The following DLG2 variants were observed in gnomAD, a reference collection of about 807,000 sequenced individuals.
DLG2 encodes the protein disks large homolog 2.
Under a neutral mutation model 132.5 loss-of-function variants are expected in DLG2, and 45 were observed. That is an observed-to-expected ratio of 0.34 (90% CI 0.27 to 0.44). The LOEUF (loss-of-function observed/expected upper bound fraction) is 0.44, where lower values mean the gene tolerates loss of function less well. DLG2 is among the 20% of genes least tolerant of loss of function. The pLI is 1.00. For missense variants in DLG2, 1,045 were observed against 1,196.9 expected (o/e 0.87, Z 1.87); for synonymous variants, 424 against 419.6 (o/e 1.01, Z -0.13).
chr11:84,956,698 C>A lies in DLG2; in HGVS notation c.357+154963G>T, dbSNP rs573730497. Among the ~76,000 whole-genome samples, 12 of 152,252 alleles carry A rather than the reference C, an allele frequency of 7.9e-5. No individual in the cohort carries two copies. The South Asian group carries it at 2.5e-3, about 32-fold the overall frequency. On this transcript the variant is annotated intron_variant, in intron 6 of 27. Transcript: ENST00000376104. ...GGAAGAAATGTAACTCAGAGAATCA[C>A]AAAACCTCAGCCTAAAAGTTAAATT...
chr11:84,800,288 A>G (rs1359685129), intron 6 of DLG2, among the ~76,000 whole-genome samples: 2 of 152,188 alleles, frequency 1.3e-5, no homozygotes, highest in Non-Finnish European at 2.9e-5. Context: ...GTGTTTGTAT[A>G]TCATTTTAGT....
chr11:83,962,970 C>G lies in DLG2; in HGVS notation c.1255G>C (p.Glu419Gln), dbSNP rs1429581953. 6.2e-7 allele frequency: 1 copy of G among 1,613,120 alleles called. No homozygotes were observed. Among genetic ancestry groups the G allele is most frequent in the East Asian group, 2.2e-5 (1 of 44,860 alleles). Reference sequence around the variant, plus strand: ...ATGGGTGGCAGGGAGGTTTTATATTCTAAAGTGCCATTGTTGCCAGAGAGT... The same window carrying G: ...ATGGGTGGCAGGGAGGTTTTATATTGTAAAGTGCCATTGTTGCCAGAGAGT... ...HLLSGNNGTLEYKTSLPPISP... is the reference protein window; with the variant it reads ...HLLSGNNGTLQYKTSLPPISP... Residue 419 changes from glutamate (E) to glutamine (Q), a missense_variant, in exon 14 of 28, where the codon GAA (glutamate) becomes CAA (glutamine). By Grantham distance (29) the Glu-to-Gln change is conservative. This residue lies in a region of DLG2 where 261 missense variants were observed against 256.1 expected (regional missense o/e 1.02). Coordinates refer to ENST00000376104, the MANE Select transcript of DLG2 (RefSeq NM_001142699.3).
intron 17 of DLG2, among the ~76,000 whole-genome samples, chr11:83,807,885 A>G (rs2046320231): frequency 6.6e-6 from 1 of 152,088 alleles, no homozygotes. Context: ...TGTGGTGCAC[A>G]CACTGTGTCC....
intron 14 of DLG2, among the ~76,000 whole-genome samples, chr11:83,951,455 C>T (rs1251024926): frequency 3.9e-5 from 6 of 151,984 alleles, no homozygotes; most frequent in Admixed American, 1.3e-4. Flanking sequence ...GAACACAGGA[C>T]GAAAGGGTGA....
At chr11:84,458,401 C>T (rs948164051) in intron 7 of DLG2, among the ~76,000 whole-genome samples, 3 of 150,910 alleles carry the variant, frequency 2.0e-5, no homozygotes, top group Non-Finnish European at 3.0e-5. Flanking sequence ...AAGTGATCAT[C>T]GTCCTCCAGT....
chr11:85,179,068 A>G (rs1158709857), intron 4 of DLG2, among the ~76,000 whole-genome samples: 1 of 151,970 alleles, frequency 6.6e-6, no homozygotes, highest in Non-Finnish European at 1.5e-5. Context: ...ACACAAGAGT[A>G]AAACTGAAAA....
chr11:84,973,653 G>C (rs2054434192), intron 6 of DLG2, among the ~76,000 whole-genome samples: 1 of 152,092 alleles, frequency 6.6e-6, no homozygotes, highest in Admixed American at 6.6e-5. Flanking sequence ...CTTAGATTAT[G>C]AAAAAATAGT....
chr11:84,476,864 A>G (rs1042901654), intron 7 of DLG2, among the ~76,000 whole-genome samples: 5 of 152,222 alleles, frequency 3.3e-5, no homozygotes, highest in Admixed American at 6.5e-5. Context: ...GGGCTTAGAC[A>G]TTCAGAGTGC....
chr11:83,647,275 G>C (rs7126548), intron 18 of DLG2, among the ~76,000 whole-genome samples: 2 of 151,774 alleles, frequency 1.3e-5, no homozygotes, highest in African/African-American at 4.8e-5. Context: ...AGACAAGGGT[G>C]GGGGCGGGGG....
At chr11:84,380,389 G>A (rs2098745185) in intron 7 of DLG2, among the ~76,000 whole-genome samples, 1 of 151,946 alleles carries the variant, frequency 6.6e-6, no homozygotes, top group South Asian at 2.1e-4. Context: ...AAATGTCAAA[G>A]AGTCTATGCC....
intron 3 of DLG2, among the ~76,000 whole-genome samples, chr11:85,396,884 C>T (rs1202663352): frequency 6.6e-6 from 1 of 152,162 alleles, no homozygotes; most frequent in Non-Finnish European, 1.5e-5. Flanking sequence ...ACTTCCCTAA[C>T]CTAGCAAGGC....
intron 11 of DLG2, among the ~76,000 whole-genome samples, chr11:84,037,381 T>C (rs1296044508): frequency 6.6e-6 from 1 of 152,130 alleles, no homozygotes; most frequent in East Asian, 1.9e-4. Flanking sequence ...TAGTTGAAAT[T>C]TCTAAAGACA....
At chr11:84,440,305 A>G (rs1270154519) in intron 7 of DLG2, among the ~76,000 whole-genome samples, 1 of 152,256 alleles carries the variant, frequency 6.6e-6, no homozygotes, top group African/African-American at 2.4e-5. Flanking sequence ...AGTAAACAGT[A>G]GATACTCAAA....
chr11:83,753,837 T>TTC (rs2093486981), intron 18 of DLG2, among the ~76,000 whole-genome samples: 6 of 11,082 alleles, frequency 5.4e-4, no homozygotes, highest in Admixed American at 1.2e-3. Flanking sequence ...ATATATATGA[T>TTC]ATATATCATA....
intron 21 of DLG2, among the ~76,000 whole-genome samples, chr11:83,492,837 A>G (rs1422574868): frequency 6.6e-6 from 1 of 152,070 alleles, no homozygotes; most frequent in Non-Finnish European, 1.5e-5. Context: ...TGCCTGGAGC[A>G]TGATATTGAC....
intron 3 of DLG2, among the ~76,000 whole-genome samples, chr11:85,403,547 A>G (rs2088407557): frequency 6.6e-6 from 1 of 151,996 alleles, no homozygotes; most frequent in Admixed American, 6.6e-5. Flanking sequence ...GCAAATAAGA[A>G]GTCAGGTATA....
intron 7 of DLG2, among the ~76,000 whole-genome samples, chr11:84,404,782 T>C (rs1038151028): frequency 6.6e-6 from 1 of 152,174 alleles, no homozygotes; most frequent in African/African-American, 2.4e-5. Flanking sequence ...AAGGAAAGAA[T>C]GTAGAAATAA....
intron 3 of DLG2, among the ~76,000 whole-genome samples, chr11:85,513,203 G>T (rs2094111755): frequency 6.6e-6 from 1 of 151,972 alleles, no homozygotes; most frequent in Admixed American, 6.6e-5. Context: ...AGGGGAAAGG[G>T]AGGGAAGGGA....
chr11:84,766,074 TC>T (rs1358161263), intron 6 of DLG2, among the ~76,000 whole-genome samples: 2 of 152,008 alleles, frequency 1.3e-5, no homozygotes, highest in Non-Finnish European at 2.9e-5. Flanking sequence ...CAATACTCCT[TC>T]CGTAGCGGCC....
Sources: gnomAD v4.1 joint callset for allele counts (sites outside exome capture counted in the v4.1 genomes callset) on GRCh38, gnomAD v4.1.1 for gene constraint, gnomAD v4.1.1 regional missense constraint, MANE v1.5 for transcripts, NCBI Gene and HGNC (gene_info 2026-07-23, HGNC 2026-07-21) for gene names.